SRGAP2: variants seen among roughly 807,000 people sequenced by gnomAD.
The protein encoded by SRGAP2 is SLIT-ROBO Rho GTPase-activating protein 2.
Under a neutral mutation model 57.2 loss-of-function variants are expected in SRGAP2, and 15 were observed. The observed-to-expected ratio is 0.26, with a 90% CI of 0.18 to 0.40. The LOEUF (loss-of-function observed/expected upper bound fraction) is 0.40. Ranked by LOEUF, SRGAP2 falls within the 10% of genes least tolerant of loss-of-function variation. The pLI, the probability that SRGAP2 is intolerant of heterozygous loss-of-function variation, is 1.00. For synonymous variants in SRGAP2, 249 were observed against 248.0 expected (o/e 1.00, Z -0.04); for missense variants, 520 against 669.6 (o/e 0.78, Z 2.47).
intron 6 of SRGAP2, 32 bp from the exon 7 acceptor site, chr1:206,393,513 A>T (rs1553351816): frequency 1.3e-6 from 1 of 760,558 alleles, no homozygotes; most frequent in Non-Finnish European, 2.4e-6. Flanking sequence ...TAAAAAAAAA[A>T]AGGTAAAAGT....
At chr1:206,303,871 C>G (rs1161424493) in intron 3 of SRGAP2, among the ~76,000 whole-genome samples, 1 of 42,250 alleles carries the variant, frequency 2.4e-5, no homozygotes, top group Non-Finnish European at 5.8e-5. Flanking sequence ...TAATCTCTGT[C>G]TCTCTCTCTC....
rs1247347917 is a variant in SRGAP2, at chr1:206,372,885, TTTCTTTCTCTC to T, written c.424-11127_424-11117del. 2.6e-4 allele frequency among the ~76,000 whole-genome samples: 21 copies of T among 82,198 alleles called. 2 individuals carry two copies. Among genetic ancestry groups the T allele is most frequent in the African/African-American group, 1.0e-3 (21 of 20,788 alleles). The allele number at this position is 82,198 out of a possible 152,430, so 53.9% of individuals were successfully genotyped here. ...AAATCAGGCCAGGTAGATTCCTTTCTTTCTTTCTCTCTCCTTTCTTTCTTTCTTTCTTTCTT... is the reference window on the plus strand; with the variant it reads ...AAATCAGGCCAGGTAGATTCCTTTCTTCCTTTCTTTCTTTCTTTCTTTCTT... On this transcript the variant is annotated intron_variant, in intron 4 of 22. Transcript: ENST00000573034.
chr1:206,393,431 C>T (rs1657210730), intron 6 of SRGAP2, 114 bp from the exon 7 acceptor site: 1 of 589,890 alleles, frequency 1.7e-6, no homozygotes, highest in Non-Finnish European at 3.1e-6. Flanking sequence ...GGCAGATGCG[C>T]ATAGGGAGTA....
chr1:206,253,836 A>G (rs1483045452), intron 2 of SRGAP2, among the ~76,000 whole-genome samples: 1 of 150,140 alleles, frequency 6.7e-6, no homozygotes, highest in Non-Finnish European at 1.5e-5. Context: ...TAAATTATGC[A>G]GTCTGTGGCA....
chr1:206,351,071 C>G (rs146732000), intron 4 of SRGAP2, among the ~76,000 whole-genome samples: 2 of 152,252 alleles, frequency 1.3e-5, no homozygotes, highest in African/African-American at 4.8e-5. Flanking sequence ...GTTTGGTATC[C>G]ATTTGGACTG....
chr1:206,404,424 C>T (rs1168870245), intron 8 of SRGAP2, among the ~76,000 whole-genome samples: 13 of 152,148 alleles, frequency 8.5e-5, no homozygotes, highest in African/African-American at 1.4e-4. Context: ...GGCTAAAGGA[C>T]GAACGGTAAC....
Position 206,450,358 on chromosome 1 carries a change from G to A in SRGAP2, c.2100-28G>A, listed in dbSNP as rs782278821. The stretch of plus-strand genomic sequence containing the variant: ...AAGAATTTTATGAGCACATGTTAAT[G>A]TCCCTGTCACTCTTGCTTCTGTTGC... On this transcript the variant is annotated intron_variant, in intron 18 of 22. Coordinates refer to ENST00000573034, the MANE Select transcript of SRGAP2 (RefSeq NM_015326.5). 19 of 779,794 alleles carry A rather than the reference G, an allele frequency of 2.4e-5. No individual in the cohort carries two copies. In the Middle Eastern group the frequency reaches 1.1e-3, roughly 46 times the overall value. The allele number at this position is 779,794 out of a possible 1,614,324, so 48.3% of individuals were successfully genotyped here.
At chr1:206,420,900 ATCT>A (rs1198449473) in intron 12 of SRGAP2, among the ~76,000 whole-genome samples, 4 of 152,244 alleles carry the variant, frequency 2.6e-5, no homozygotes, top group East Asian at 1.9e-4. Context: ...AGGCAAAAAA[ATCT>A]TCTTATTGTC....
At chr1:206,417,990 T>A (rs1392162102) in intron 11 of SRGAP2, among the ~76,000 whole-genome samples, 1 of 150,764 alleles carries the variant, frequency 6.6e-6, no homozygotes, top group Admixed American at 6.6e-5. Flanking sequence ...TGTGTGTGAG[T>A]GAATGGGTTT....
rs1671846105 is a variant in SRGAP2 at position 206,301,088 on chromosome 1, G to A, written c.68-2193G>A. 2.0e-5 allele frequency among the ~76,000 whole-genome samples: 3 copies of A among 152,294 alleles called. No individual in the cohort carries two copies. The South Asian group carries it at 6.2e-4, about 32-fold the overall frequency. ...GCTCTGTCGCCCAGGCTGGAGTGCA[G>A]TGGTGCGATCTCTGCTCAGTGCAAG... On this transcript the variant is annotated intron_variant, in intron 2 of 22. Coordinates refer to ENST00000573034, the MANE Select transcript of SRGAP2 (RefSeq NM_015326.5).
intron 2 of SRGAP2, among the ~76,000 whole-genome samples, chr1:206,208,569 GAA>G (rs1391497832): frequency 2.0e-5 from 3 of 152,188 alleles, no homozygotes; most frequent in Non-Finnish European, 4.4e-5. Context: ...CTGTGAAGAA[GAA>G]AAAGTCTCTA....
chr1:206,253,573 CTTTT>C (rs71264673), intron 2 of SRGAP2, among the ~76,000 whole-genome samples: 2,418 of 101,464 alleles, frequency 0.024, 31 homozygotes, highest in African/African-American at 0.084. Context: ...TTCTTTCTTT[CTTTT>C]TTTTTTTTTT....
chr1:206,267,664 T>C (rs1399377347), intron 2 of SRGAP2, among the ~76,000 whole-genome samples: 1 of 152,028 alleles, frequency 6.6e-6, no homozygotes, highest in African/African-American at 2.4e-5. Context: ...TAGAAACAGA[T>C]CCACAGAGTA....
chr1:206,419,201 TTCTC>T (rs1364037550), intron 11 of SRGAP2, among the ~76,000 whole-genome samples, 168 bp from the exon 12 acceptor site: 9 of 152,074 alleles, frequency 5.9e-5, no homozygotes, highest in African/African-American at 2.2e-4. Context: ...TTTCTTTTCT[TTCTC>T]TCTGTCTCTG....
At chr1:206,233,413 G>C (rs1311085847) in intron 2 of SRGAP2, among the ~76,000 whole-genome samples, 1 of 152,178 alleles carries the variant, frequency 6.6e-6, no homozygotes, top group Non-Finnish European at 1.5e-5. Flanking sequence ...GCCTGCTGCT[G>C]GGGAGGGGTG....
chr1:206,333,421 A>C (rs1180054283), intron 3 of SRGAP2: 1 of 1,331,214 alleles, frequency 7.5e-7, no homozygotes, highest in Non-Finnish European at 1.1e-6. Context: ...TCTTCAAGGT[A>C]TCACTGAGAT....
chr1:206,281,876 T>A (rs1279666139), intron 2 of SRGAP2, among the ~76,000 whole-genome samples: 1 of 138,878 alleles, frequency 7.2e-6, no homozygotes, highest in African/African-American at 3.0e-5. Flanking sequence ...ATCGCACCAC[T>A]GCACTCCAGC....
At chr1:206,442,661 T>C (rs1172742212) in intron 17 of SRGAP2, among the ~76,000 whole-genome samples, 2 of 152,206 alleles carry the variant, frequency 1.3e-5, no homozygotes, top group African/African-American at 4.8e-5. Context: ...TTTTTTCTGA[T>C]TGAAACGAGA....
At chr1:206,401,907 G>T (rs1372071496) in intron 8 of SRGAP2, among the ~76,000 whole-genome samples, 1 of 152,086 alleles carries the variant, frequency 6.6e-6, no homozygotes, top group African/African-American at 2.4e-5. Flanking sequence ...CTTGAGGAGG[G>T]TTCAAACTAT....
Sources: gnomAD v4.1 joint callset for allele counts (sites outside exome capture counted in the v4.1 genomes callset) on GRCh38, gnomAD v4.1.1 for gene constraint, MANE v1.5 for transcripts, NCBI Gene and HGNC (gene_info 2026-07-23, HGNC 2026-07-21) for gene names.